Variants in CACNA1B observed in about 807,000 individuals in gnomAD.
CACNA1B encodes the protein voltage-dependent N-type calcium channel subunit alpha-1B.
Under a neutral mutation model 247.2 loss-of-function variants are expected in CACNA1B, and 70 were observed. The observed-to-expected ratio is 0.28, with a 90% CI of 0.23 to 0.35. The LOEUF is 0.35. CACNA1B is among the 10% of genes least tolerant of loss of function. The probability of loss-of-function intolerance (pLI) is 1.00; values close to 1 mark genes in which losing one functional copy is unlikely to be tolerated. For synonymous variants in CACNA1B, 1,231 were observed against 1,294.4 expected, an observed-to-expected ratio of 0.95 and a Z score of 1.05; for missense variants, 2,367 against 3,197.4, an observed-to-expected ratio of 0.74 and a Z score of 6.26.
rs116800706 is a variant in CACNA1B, at chr9:137,932,594, C to G, written c.966+15163C>G. ...AGTATCTTGAGTTGCCCCAGCAGTT[C>G]TCTTTTCCCAGTGGAGGTAGTTAGG... On this transcript the variant is annotated intron_variant, in intron 6 of 46. Coordinates refer to ENST00000371372, the MANE Select transcript of CACNA1B (RefSeq NM_000718.4). Among the ~76,000 whole-genome samples the G allele has an allele frequency of 2.1e-3, 314 of 152,316 alleles. 1 individual carries two copies. Among genetic ancestry groups the G allele is most frequent in the African/African-American group, 7.2e-3 (300 of 41,570 alleles).
intron 15 of CACNA1B, among the ~76,000 whole-genome samples, chr9:138,005,727 C>T (rs530663659): frequency 6.6e-6 from 1 of 151,602 alleles, no homozygotes; most frequent in South Asian, 2.1e-4. Flanking sequence ...AAAATATGTA[C>T]AAATACTATG....
intron 36 of CACNA1B, among the ~76,000 whole-genome samples, chr9:138,087,395 AAAAAAAAAGAAAAAG>A (rs1265315815): frequency 7.5e-5 from 11 of 146,972 alleles, no homozygotes; most frequent in African/African-American, 2.3e-4. Context: ...AAAAAAAAAA[AAAAAAAAAGAAAAAG>A]AAAAAAAAGA....
At chr9:137,894,518 C>G (rs1035939999) in intron 3 of CACNA1B, among the ~76,000 whole-genome samples, 9 of 151,988 alleles carry the variant, frequency 5.9e-5, no homozygotes, top group Non-Finnish European at 2.9e-5. Flanking sequence ...ACGCCATTCT[C>G]CTGCCTCAGC....
Position 137,990,665 on chromosome 9 carries a change from C to G in CACNA1B, c.1974+3811C>G, listed in dbSNP as rs1454738120. The stretch of plus-strand genomic sequence containing the variant: ...ACCAATATAAAACCAGCACACTCAA[C>G]AAAAATACAGCCAAGGACCCTCACA... On this transcript the variant is annotated intron_variant, in intron 15 of 46. Transcript: ENST00000371372. This position sits in a 1 kb window ranked among gnomAD's most constrained non-coding sequence, Gnocchi z 4.5. 1.3e-5 allele frequency among the ~76,000 whole-genome samples: 2 copies of G among 151,748 alleles called. No homozygotes were observed. Among genetic ancestry groups the G allele is most frequent in the East Asian group, 3.9e-4 (2 of 5,156 alleles).
At chr9:137,968,490 G>A (rs917811831) in intron 10 of CACNA1B, among the ~76,000 whole-genome samples, 10 of 152,266 alleles carry the variant, frequency 6.6e-5, no homozygotes, top group African/African-American at 1.7e-4. Flanking sequence ...TGATGTGCAC[G>A]AGGGCCAGGG....
At position 138,023,058 on chromosome 9, in the gene CACNA1B, C is replaced by A. The variant is rs1160412846; in HGVS notation, c.2315C>A (p.Ala772Asp). ...AKARSVWEQR[A>D]SQLRLQNLRA... ...GCGCGCTCGGTGTGGGAGCAGCGGGCCAGCCAGCTACGGCTGCAGAACCTG... is the reference window on the plus strand; with the variant it reads ...GCGCGCTCGGTGTGGGAGCAGCGGGACAGCCAGCTACGGCTGCAGAACCTG... The change falls in exon 19 of 47, where the codon GCC becomes GAC. Residue 772 changes from alanine (A) to aspartate (D), a missense_variant. Ala to Asp is a moderately radical substitution (Grantham distance 126). Transcript: ENST00000371372. 2 of 1,528,450 alleles carry A rather than the reference C, an allele frequency of 1.3e-6. No homozygotes were observed. The highest frequency in any genetic ancestry group is 2.8e-5 in the African/African-American group (2 of 71,590). 94.7% of individuals were successfully genotyped at this position (1,528,450 alleles called of 1,614,324 possible). A position where few individuals can be genotyped will look rare whatever the true frequency, so the allele number is the denominator to read the frequency against.
chr9:137,915,654 G>C (rs62589625), intron 5 of CACNA1B, among the ~76,000 whole-genome samples: 21,769 of 151,896 alleles, frequency 0.14, 1,812 homozygotes, highest in East Asian at 0.44. Context: ...TAATCCAACT[G>C]TAAATAAAAG....
intron 36 of CACNA1B, among the ~76,000 whole-genome samples, chr9:138,090,736 C>CAAAAAAAAAAAAAAAAAAAA (rs1960850690): frequency 8.6e-5 from 4 of 46,248 alleles, no homozygotes; most frequent in Non-Finnish European, 1.7e-4. Context: ...AAAAAAAAAT[C>CAAAAAAAAAAAAAAAAAAAA]AGATTAATAA....
chr9:137,972,477 C>T (rs920111490), intron 11 of CACNA1B, among the ~76,000 whole-genome samples: 20 of 152,052 alleles, frequency 1.3e-4, no homozygotes, highest in African/African-American at 2.9e-4. Flanking sequence ...AAGCCTTTTC[C>T]GACTCCAGAG....
intron 6 of CACNA1B, among the ~76,000 whole-genome samples, chr9:137,920,723 C>T (rs771552986): frequency 5.9e-5 from 9 of 152,222 alleles, no homozygotes; most frequent in Non-Finnish European, 8.8e-5. Flanking sequence ...GTACTAGTTC[C>T]GTGAAGATCC....
At chr9:138,024,725 C>G (rs528713211) in intron 19 of CACNA1B, among the ~76,000 whole-genome samples, 1 of 152,154 alleles carries the variant, frequency 6.6e-6, no homozygotes. Context: ...ACTTCCCGGG[C>G]TGAAGCGATC....
At chr9:138,049,860 C>T (rs1959221864) in intron 24 of CACNA1B, among the ~76,000 whole-genome samples, 2 of 152,226 alleles carry the variant, frequency 1.3e-5, no homozygotes, top group Admixed American at 6.5e-5. Context: ...GAGTTGGCTT[C>T]CTCAGATAAC....
At chr9:137,998,227 T>C (rs1331454777) in intron 15 of CACNA1B, among the ~76,000 whole-genome samples, 1 of 152,230 alleles carries the variant, frequency 6.6e-6, no homozygotes, top group East Asian at 1.9e-4. Flanking sequence ...TGTTAAATTA[T>C]TCATTGCATC....
intron 25 of CACNA1B, among the ~76,000 whole-genome samples, chr9:138,053,062 G>A (rs1305544072): frequency 6.6e-6 from 1 of 152,248 alleles, no homozygotes; most frequent in Admixed American, 6.5e-5. Flanking sequence ...TGATGACAGG[G>A]CGGCCTCGGG....
Position 138,006,895 on chromosome 9 carries a change from GT to G in CACNA1B, c.2092+12del, listed in dbSNP as rs751463232. ...CACTGTTCGGAAACTGTATCCTTCT[GT>G]GGGGCTGGGGCAGAGGGTGGTCAGT... On this transcript the variant is annotated intron_variant, in intron 16 of 46. Coordinates refer to ENST00000371372, the MANE Select transcript of CACNA1B (RefSeq NM_000718.4). 1 of 1,435,098 alleles carries G rather than the reference GT, an allele frequency of 7.0e-7. No homozygotes were observed. The highest frequency in any genetic ancestry group is 1.2e-5 in the South Asian group (1 of 86,258). 88.9% of individuals were successfully genotyped at this position (1,435,098 alleles called of 1,614,324 possible).
chr9:137,949,085 G>GCACT (rs1564203105), intron 6 of CACNA1B, among the ~76,000 whole-genome samples: 5 of 18,976 alleles, frequency 2.6e-4, no homozygotes, highest in South Asian at 1.6e-3. Context: ...TGTGGTGTGT[G>GCACT]TGTGGTGTGT....
intron 20 of CACNA1B, chr9:138,032,720 A>G (rs778415822): frequency 8.8e-6 from 4 of 452,726 alleles, no homozygotes; most frequent in Non-Finnish European, 1.3e-5. Flanking sequence ...TCTGACCTCC[A>G]TGGTTTCTGA....
chr9:138,060,967 G>A (rs1016714913), intron 31 of CACNA1B, among the ~76,000 whole-genome samples: 1 of 152,138 alleles, frequency 6.6e-6, no homozygotes, highest in Admixed American at 6.5e-5. Flanking sequence ...CTGCTGCACT[G>A]GTTGCTGGCC....
Position 138,058,646 on chromosome 9 carries a change from TAAGACGTGGAC to T in CACNA1B, c.4388_4398del (p.Lys1463IlefsTer8). On this transcript the variant is annotated frameshift_variant, in exon 29 of 47. Transcript: ENST00000371372. LOFTEE classifies it high-confidence loss of function. The surrounding 1 kb of genome is among the most constrained non-coding windows in gnomAD (Gnocchi z 4.7). The stretch of plus-strand genomic sequence containing the variant: ...CCCAAAACCGGCAGTCGTTCCAGTA[TAAGACGTGGAC>T]ATTTGTGGTCTCCCCGCCCTTTGAA... 6.2e-7 allele frequency: 1 copy of T among 1,613,836 alleles called. No individual in the cohort carries two copies. Among genetic ancestry groups the T allele is most frequent in the Non-Finnish European group, 8.5e-7 (1 of 1,179,782 alleles).
Sources: gnomAD v4.1 joint callset for allele counts (sites outside exome capture counted in the v4.1 genomes callset) on GRCh38, gnomAD v4.1.1 for gene constraint, Gnocchi (gnomAD v3.1) non-coding constraint, MANE v1.5 for transcripts, NCBI Gene and HGNC (gene_info 2026-07-23, HGNC 2026-07-21) for gene names.